The following HNF4G variants were observed in gnomAD, a reference collection of about 807,000 sequenced individuals.
HNF4G encodes hepatocyte nuclear factor 4 gamma, also known as hepatocyte nuclear factor 4-gamma.
Under a neutral mutation model 50.9 loss-of-function variants are expected in HNF4G, and 21 were observed. That is an observed-to-expected ratio of 0.41 (90% CI 0.29 to 0.59). The LOEUF (loss-of-function observed/expected upper bound fraction) is 0.59, where lower values mean the gene tolerates loss of function less well. Ranked by LOEUF, HNF4G falls within the 20% of genes least tolerant of loss-of-function variation. HNF4G has a pLI of 0.26. For missense variants in HNF4G, 527 were observed against 559.4 expected (o/e 0.94, Z 0.58); for synonymous variants, 198 against 185.6 (o/e 1.07, Z -0.54).
chr8:75,551,306 TAAAAA>T (rs1048537388), intron 3 of HNF4G, 77 bp from the exon 4 acceptor site: 1 of 611,986 alleles, frequency 1.6e-6, no homozygotes, highest in East Asian at 3.3e-5. Flanking sequence ...TTTTTTTACT[TAAAAA>T]AAAAACTCCT....
At position 75,558,941 on chromosome 8, in the gene HNF4G, C is replaced by T. The variant is rs1370895829; in HGVS notation, c.1027C>T (p.Gln343Ter). ...GTTGCTTCTGCTCCTGCCCACACTG[C>T]AGAGCATCACGTGGCAAATGATTGA... ...GELLLLLPTL[Q>*]SITWQMIEQI... is the part of the protein sequence containing the mutation. The change falls in exon 8 of 10, where the codon CAG (glutamine) becomes TAG (stop). Residue 343 changes from glutamine (Q) to a stop codon, truncating the protein, a stop_gained. Coordinates refer to ENST00000396423, the MANE Select transcript of HNF4G (RefSeq NM_004133.5). LOFTEE classifies it high-confidence loss of function. The T allele has an allele frequency of 6.2e-7, 1 of 1,613,944 alleles. No individual in the cohort carries two copies. Among genetic ancestry groups the T allele is most frequent in the Non-Finnish European group, 8.5e-7 (1 of 1,179,826 alleles).
intron 1 of HNF4G, among the ~76,000 whole-genome samples, chr8:75,421,611 G>T (rs191149246): frequency 6.6e-5 from 10 of 152,348 alleles, no homozygotes; most frequent in Non-Finnish European, 8.8e-5. Flanking sequence ...TAAGATTTAT[G>T]TAAGAGGCAG....
At chr8:75,499,571 C>CA (rs1177665488) in intron 2 of HNF4G, among the ~76,000 whole-genome samples, 2 of 108,548 alleles carry the variant, frequency 1.8e-5, no homozygotes, top group Non-Finnish European at 3.7e-5. Context: ...CTAAAATATG[C>CA]AAAAAAGAAA....
chr8:75,494,126 A>G (rs1202521873), intron 2 of HNF4G, among the ~76,000 whole-genome samples: 1 of 152,210 alleles, frequency 6.6e-6, no homozygotes, highest in African/African-American at 2.4e-5. Flanking sequence ...AAACAATTGT[A>G]GAGAAATCAA....
intron 1 of HNF4G, among the ~76,000 whole-genome samples, chr8:75,540,698 T>C (rs967321320): frequency 1.3e-5 from 2 of 152,118 alleles, no homozygotes; most frequent in Non-Finnish European, 2.9e-5. Context: ...AAATAAGACA[T>C]GAGTTTTTTA....
At chr8:75,540,588 A>G (rs1806589052) in intron 1 of HNF4G, among the ~76,000 whole-genome samples, 1 of 152,126 alleles carries the variant, frequency 6.6e-6, no homozygotes, top group African/African-American at 2.4e-5. Flanking sequence ...TTGAACGCAA[A>G]TATGAAAGGG....
Position 75,564,343 on chromosome 8 carries a change from C to A in HNF4G, c.*247C>A. On this transcript the variant is annotated 3_prime_UTR_variant, in exon 10 of 10. Coordinates refer to ENST00000396423, the MANE Select transcript of HNF4G (RefSeq NM_004133.5). ...ATATAGGGTATTTTTTCCAACTGCCCCTGCATTGTGCCTGAACCAATTGAA... is the reference window on the plus strand; with the variant it reads ...ATATAGGGTATTTTTTCCAACTGCCACTGCATTGTGCCTGAACCAATTGAA... 1 of 376,964 alleles carries A rather than the reference C, an allele frequency of 2.7e-6. No individual in the cohort carries two copies. The highest frequency in any genetic ancestry group is 4.8e-6 in the Non-Finnish European group (1 of 207,468). The allele number at this position is 376,964 out of a possible 1,614,324, so 23.4% of individuals were successfully genotyped here.
chr8:75,418,491 A>G (rs981166463), intron 1 of HNF4G, among the ~76,000 whole-genome samples: 1 of 152,162 alleles, frequency 6.6e-6, no homozygotes, highest in Non-Finnish European at 1.5e-5. Flanking sequence ...TCAAACATCT[A>G]GAATCAAAAC....
At chr8:75,472,658 G>A (rs1259154563) in intron 1 of HNF4G, among the ~76,000 whole-genome samples, 1 of 151,632 alleles carries the variant, frequency 6.6e-6, no homozygotes, top group African/African-American at 2.4e-5. Flanking sequence ...ATTAAAAGAT[G>A]AGGAAAGTAA....
intron 1 of HNF4G, among the ~76,000 whole-genome samples, chr8:75,438,036 G>A (rs1037068222): frequency 6.6e-6 from 1 of 152,144 alleles, no homozygotes; most frequent in Non-Finnish European, 1.5e-5. Flanking sequence ...AGTTTTTAAT[G>A]TGACAAATGA....
In HNF4G at chr8:75,565,155, C is replaced by T. The variant is rs1230847033; in HGVS notation, c.*1059C>T. ...AACGAGTGAGAGAAACACATTCAAGCCCAGGTCTAGTTGACTTTAATGAAT... is the reference window on the plus strand; with the variant it reads ...AACGAGTGAGAGAAACACATTCAAGTCCAGGTCTAGTTGACTTTAATGAAT... On this transcript the variant is annotated 3_prime_UTR_variant, in exon 10 of 10. Coordinates refer to ENST00000396423, the MANE Select transcript of HNF4G (RefSeq NM_004133.5). The T allele has an allele frequency of 6.6e-6, 1 of 152,212 alleles. No homozygotes were observed. The highest frequency in any genetic ancestry group is 1.9e-4 in the East Asian group (1 of 5,172). The allele number at this position is 152,212 out of a possible 1,614,324, so 9.4% of individuals were successfully genotyped here.
intron 2 of HNF4G, chr8:75,490,229 C>T (rs1455585471): frequency 6.6e-6 from 1 of 152,642 alleles, no homozygotes; most frequent in African/African-American, 2.4e-5. Flanking sequence ...CCCGCTGAGG[C>T]TGCTAAATTG....
intron 1 of HNF4G, among the ~76,000 whole-genome samples, chr8:75,461,402 T>C (rs1229406403): frequency 8.5e-5 from 13 of 152,180 alleles, no homozygotes; most frequent in Admixed American, 8.5e-4. Context: ...TTACATCTCC[T>C]TTTCTGACCC....
At chr8:75,514,354 C>CTTTTTTTTTT (rs36078375) in intron 2 of HNF4G, among the ~76,000 whole-genome samples, 10 of 125,018 alleles carry the variant, frequency 8.0e-5, no homozygotes, top group Admixed American at 8.5e-5. Context: ...TTTCTTCTTT[C>CTTTTTTTTTT]TTTTTTTTTT....
At chr8:75,502,042 G>A (rs1203164792) in intron 2 of HNF4G, among the ~76,000 whole-genome samples, 2 of 151,984 alleles carry the variant, frequency 1.3e-5, no homozygotes, top group East Asian at 1.9e-4. Flanking sequence ...TAGTAGAGAC[G>A]AGGTTTCACC....
chr8:75,428,604 T>G (rs145921983), intron 1 of HNF4G, among the ~76,000 whole-genome samples: 2 of 152,228 alleles, frequency 1.3e-5, no homozygotes, highest in Admixed American at 6.5e-5. Flanking sequence ...ATCTAAATGA[T>G]GAGTGAAAAT....
chr8:75,454,959 A>G (rs1811684280), intron 1 of HNF4G, among the ~76,000 whole-genome samples: 1 of 152,202 alleles, frequency 6.6e-6, no homozygotes, highest in African/African-American at 2.4e-5. Flanking sequence ...ATATAGAAAC[A>G]CACGTATATA....
chr8:75,553,075 A>G lies in HNF4G; in HGVS notation c.523A>G (p.Ile175Val), dbSNP rs914925633. The G allele has an allele frequency of 1.2e-6, 2 of 1,612,580 alleles. No individual in the cohort carries two copies. The highest frequency in any genetic ancestry group is 1.7e-6 in the Non-Finnish European group (2 of 1,179,000). ...CTCAAGCCCTGGGTCAAGCACTGACATAAACGTTAAGAAAATTGCAAGTAT... is the reference window on the plus strand; with the variant it reads ...CTCAAGCCCTGGGTCAAGCACTGACGTAAACGTTAAGAAAATTGCAAGTAT... ...SVSSPGSSTD[I>V]NVKKIASIGD... Residue 175 changes from isoleucine to valine, a missense_variant, in exon 5 of 10, where the codon ATA (isoleucine) becomes GTA (valine). Around this residue, in one of 5 missense-constraint regions of HNF4G, gnomAD observed 128 missense variants for 135.3 expected, o/e 0.95. Coordinates refer to ENST00000396423, the MANE Select transcript of HNF4G (RefSeq NM_004133.5).
chr8:75,558,931 G>A lies in HNF4G; in HGVS notation c.1017G>A (p.Leu339=). ...RGRFGELLLL[L]PTLQSITWQM... is the part of the protein sequence containing the mutation. ...GGTTTGGAGAGTTGCTTCTGCTCCTGCCCACACTGCAGAGCATCACGTGGC... is the reference window on the plus strand; with the variant it reads ...GGTTTGGAGAGTTGCTTCTGCTCCTACCCACACTGCAGAGCATCACGTGGC... Residue 339 remains leucine (L), a synonymous_variant, in exon 8 of 10, where the codon CTG becomes CTA. Transcript: ENST00000396423. The A allele has an allele frequency of 6.2e-7, 1 of 1,613,822 alleles. No homozygotes were observed. The highest frequency in any genetic ancestry group is 8.5e-7 in the Non-Finnish European group (1 of 1,179,796).
Sources: allele counts gnomAD v4.1 joint callset (sites outside exome capture counted in the v4.1 genomes callset), GRCh38; gene constraint gnomAD v4.1.1; regional missense constraint gnomAD v4.1.1; transcripts MANE v1.5; gene names NCBI Gene and HGNC (gene_info 2026-07-23, HGNC 2026-07-21).